Variants in SLC9A8 observed in about 807,000 individuals in gnomAD.
SLC9A8 encodes the protein sodium/hydrogen exchanger 8.
A neutral mutation model predicts 66.6 loss-of-function variants in SLC9A8; 48 were observed. The observed-to-expected ratio is 0.72, with a 90% CI of 0.57 to 0.92. The LOEUF is 0.92. Among genes scored for constraint, SLC9A8 ranks in the 40% least tolerant of loss-of-function variants. The probability of loss-of-function intolerance (pLI) is 0.00; values close to 1 mark genes in which losing one functional copy is unlikely to be tolerated. For missense variants in SLC9A8, 599 were observed against 747.3 expected, an observed-to-expected ratio of 0.80 and a Z score of 2.31; for synonymous variants, 274 against 282.6, an observed-to-expected ratio of 0.97 and a Z score of 0.31.
chr20:49,831,053 A>T, intron 3 of SLC9A8: 1 of 708,240 alleles, frequency 1.4e-6, no homozygotes, highest in African/African-American at 1.7e-5. Flanking sequence ...GTCCAACAAT[A>T]TGTCCGCTGT....
chr20:49,858,587 G>C (rs2088601902), intron 8 of SLC9A8, among the ~76,000 whole-genome samples: 1 of 151,848 alleles, frequency 6.6e-6, no homozygotes, highest in Admixed American at 6.6e-5. Context: ...AAAGATAGGA[G>C]ACTTTTTCTA....
chr20:49,846,567 A>G (rs1042925407), intron 5 of SLC9A8, among the ~76,000 whole-genome samples: 2 of 151,222 alleles, frequency 1.3e-5, no homozygotes, highest in African/African-American at 4.8e-5. Context: ...TAATGATAAA[A>G]ATGTCATTTA....
At chr20:49,882,329 G>A (rs944976543) in intron 13 of SLC9A8, among the ~76,000 whole-genome samples, 5 of 152,190 alleles carry the variant, frequency 3.3e-5, no homozygotes, top group Non-Finnish European at 7.3e-5. Context: ...GAGGGGAGGC[G>A]TCCGCCCCCG....
At chr20:49,848,698 A>G (rs920902924) in intron 5 of SLC9A8, among the ~76,000 whole-genome samples, 4 of 152,238 alleles carry the variant, frequency 2.6e-5, no homozygotes, top group Non-Finnish European at 5.9e-5. Flanking sequence ...GTATAGATAG[A>G]AACATTTTAT....
intron 14 of SLC9A8, 155 bp downstream of exon 14, chr20:49,884,221 C>CG (rs1555848154): frequency 2.4e-5 from 7 of 289,068 alleles, no homozygotes; most frequent in Middle Eastern, 8.2e-4. Context: ...CACACACACA[C>CG]ACACACACAC....
chr20:49,854,176 G>A lies in SLC9A8; in HGVS notation c.570-1262G>A, dbSNP rs2088367841. On this transcript the variant is annotated intron_variant, in intron 7 of 15. Transcript: ENST00000361573. Reference sequence around the variant, plus strand: ...TGCCCTGGAAAGAAAGTTGCAACAGGCATGGCACAGAGGCTTGTGGGAAAA... The same window carrying A: ...TGCCCTGGAAAGAAAGTTGCAACAGACATGGCACAGAGGCTTGTGGGAAAA... Among the ~76,000 whole-genome samples, 4 of 152,170 alleles carry A rather than the reference G, an allele frequency of 2.6e-5. No individual in the cohort carries two copies. In the South Asian group the frequency reaches 8.3e-4, roughly 32 times the overall value.
chr20:49,822,517 G>T (rs2086777604), intron 2 of SLC9A8, among the ~76,000 whole-genome samples: 1 of 152,216 alleles, frequency 6.6e-6, no homozygotes, highest in Non-Finnish European at 1.5e-5. Context: ...GATCACCGTG[G>T]CTCACGCCTG....
In SLC9A8 at chr20:49,886,790, G is replaced by A. The variant is rs148315506; in HGVS notation, c.1530G>A (p.Thr510=). 3.2e-4 allele frequency: 523 copies of A among 1,614,012 alleles called. 1 individual carries two copies. The highest frequency in any genetic ancestry group is 4.0e-4 in the Non-Finnish European group (477 of 1,179,994). ...TVESEHLSEL[T]EEEYEAHYIR... is the part of the protein sequence containing the mutation. Reference sequence around the variant, plus strand: ...AGTCGGAGCACCTGTCGGAGCTCACGGAGGAGGAGTACGAGGCCCACTACA... The same window carrying A: ...AGTCGGAGCACCTGTCGGAGCTCACAGAGGAGGAGTACGAGGCCCACTACA... Residue 510 remains threonine (T), a synonymous_variant, in exon 15 of 16, where the codon ACG becomes ACA. Coordinates refer to ENST00000361573, the MANE Select transcript of SLC9A8 (RefSeq NM_015266.3). This position sits in a 1 kb window ranked among gnomAD's most constrained non-coding sequence, Gnocchi z 4.8.
chr20:49,859,958 C>T (rs746557154), intron 8 of SLC9A8, among the ~76,000 whole-genome samples: 5 of 152,148 alleles, frequency 3.3e-5, no homozygotes, highest in Admixed American at 1.3e-4. Context: ...AAACCATTGC[C>T]CCAGCCCTGG....
intron 2 of SLC9A8, among the ~76,000 whole-genome samples, chr20:49,817,253 G>A (rs1046421495): frequency 2.6e-5 from 4 of 151,834 alleles, no homozygotes; most frequent in African/African-American, 9.7e-5. Context: ...GGAGGCAGAG[G>A]TTGCAGTAAG....
At chr20:49,884,227 C>CACACACACACACG (rs2089751461) in intron 14 of SLC9A8, 161 bp downstream of exon 14, 44 of 216,444 alleles carry the variant, frequency 2.0e-4, no homozygotes, top group South Asian at 9.0e-4. Flanking sequence ...CACACACACA[C>CACACACACACACG]ACACACACAC....
intron 13 of SLC9A8, 106 bp downstream of exon 13, chr20:49,881,141 T>C (rs2089612147): frequency 1.3e-6 from 1 of 755,102 alleles, no homozygotes; most frequent in African/African-American, 1.7e-5. Context: ...AAACCACAAG[T>C]AATCAATACT....
chr20:49,864,844 G>A lies in SLC9A8; in HGVS notation c.958G>A (p.Gly320Ser). ...GCTTGCAGAAGGAATCTCACTCTCAGGTAAGTGACAGAGAGCCTGAAAGTG... is the reference window on the plus strand; with the variant it reads ...GCTTGCAGAAGGAATCTCACTCTCAAGTAAGTGACAGAGAGCCTGAAAGTG... Reference protein sequence around the residue: ...YGLAEGISLSGIMAILFSGIV... With the variant: ...YGLAEGISLSSIMAILFSGIV... Residue 320 changes from glycine (G) to serine (S), a missense_variant and splice_region_variant, in exon 10 of 16, where the codon GGC (glycine) becomes AGC (serine). By Grantham distance (56) the Gly-to-Ser change is moderately conservative. Around this residue, in one of 2 missense-constraint regions of SLC9A8, gnomAD observed 467 missense variants for 626.5 expected, o/e 0.75. Coordinates refer to ENST00000361573, the MANE Select transcript of SLC9A8 (RefSeq NM_015266.3). The A allele has an allele frequency of 1.3e-6, 2 of 1,595,360 alleles. No individual in the cohort carries two copies. The highest frequency in any genetic ancestry group is 1.7e-6 in the Non-Finnish European group (2 of 1,162,880).
chr20:49,845,187 A>T (rs1049513190), intron 5 of SLC9A8, 68 bp downstream of exon 5: 11 of 1,167,022 alleles, frequency 9.4e-6, no homozygotes, highest in Non-Finnish European at 1.4e-5. Context: ...CAAGTTCCTT[A>T]AAAGCTTGGG....
chr20:49,884,338 C>A (rs2745077), intron 14 of SLC9A8, among the ~76,000 whole-genome samples: 21,307 of 41,224 alleles, frequency 0.52, 7,221 homozygotes, highest in East Asian at 0.79. Flanking sequence ...ACACACACAC[C>A]CCCCGGTCAT....
Position 49,834,139 on chromosome 20 carries a change from GTCTCTCTCTC to G in SLC9A8, c.290-5364_290-5355del, listed in dbSNP as rs71335517. Among the ~76,000 whole-genome samples the G allele has an allele frequency of 8.0e-3, 524 of 65,352 alleles. 9 individuals are homozygous for G. The highest frequency in any genetic ancestry group is 0.032 in the African/African-American group (411 of 13,028). 42.9% of individuals were successfully genotyped at this position (65,352 alleles called of 152,430 possible). A position where few individuals can be genotyped will look rare whatever the true frequency, so the allele number is the denominator to read the frequency against. ...TGGTGCACGCTTGTAATATTAGCTT[GTCTCTCTCTC>G]TCTCTCTCTCTCTCTCTCTCTCTCT... On this transcript the variant is annotated intron_variant, in intron 3 of 15. Coordinates refer to ENST00000361573, the MANE Select transcript of SLC9A8 (RefSeq NM_015266.3).
chr20:49,849,576 C>T lies in SLC9A8; in HGVS notation c.433-3C>T. 6.2e-7 allele frequency: 1 copy of T among 1,609,890 alleles called. No individual in the cohort carries two copies. Among genetic ancestry groups the T allele is most frequent in the Non-Finnish European group, 8.5e-7 (1 of 1,176,300 alleles). On this transcript the variant is annotated splice_polypyrimidine_tract_variant and splice_region_variant and intron_variant, in intron 5 of 15. Transcript: ENST00000361573. ...TTTCCCTGATTTCTGCTCTTTCAAA[C>T]AGGGTAACTTCTTTCAAAATATTGG...
At position 49,886,740 on chromosome 20, in the gene SLC9A8, C is replaced by G; in HGVS notation, c.1492-12C>G. 6.2e-7 allele frequency: 1 copy of G among 1,609,060 alleles called. No homozygotes were observed. The stretch of plus-strand genomic sequence containing the variant: ...GCTGGTGGCCGTCGGGCCGCCTTTC[C>G]TCCCTGCTCAGGGCAACACTGTGGA... On this transcript the variant is annotated splice_polypyrimidine_tract_variant and intron_variant, in intron 14 of 15. Transcript: ENST00000361573. This position sits in a 1 kb window ranked among gnomAD's most constrained non-coding sequence, Gnocchi z 4.8.
chr20:49,848,751 G>T lies in SLC9A8; in HGVS notation c.433-828G>T, dbSNP rs192564033. On this transcript the variant is annotated intron_variant, in intron 5 of 15. Transcript: ENST00000361573. The stretch of plus-strand genomic sequence containing the variant: ...GATACTAATAGAGTGAAGTAAAATT[G>T]TTTAAAAGACCTGGCCAGGAAAAAG... Among the ~76,000 whole-genome samples, 55 of 152,280 alleles carry T rather than the reference G, an allele frequency of 3.6e-4. 1 individual carries two copies. The East Asian group carries it at 0.01, about 29-fold the overall frequency.
Sources: gnomAD v4.1 joint callset for allele counts (sites outside exome capture counted in the v4.1 genomes callset) on GRCh38, gnomAD v4.1.1 for gene constraint, gnomAD v4.1.1 regional missense constraint, Gnocchi (gnomAD v3.1) non-coding constraint, MANE v1.5 for transcripts, NCBI Gene and HGNC (gene_info 2026-07-23, HGNC 2026-07-21) for gene names.